ITPR1: variants seen among roughly 807,000 people sequenced by gnomAD.
The protein encoded by ITPR1 is inositol 1,4,5-trisphosphate-gated calcium channel ITPR1.
A neutral mutation model predicts 318.4 loss-of-function variants in ITPR1; 96 were observed. The observed-to-expected ratio is 0.30, with a 90% confidence interval of 0.26 to 0.36. The LOEUF (loss-of-function observed/expected upper bound fraction) is 0.36. ITPR1 is among the 10% of genes least tolerant of loss of function. The pLI, the probability that ITPR1 is intolerant of heterozygous loss-of-function variation, is 1.00. For missense variants in ITPR1, 2,440 were observed against 3,460.2 expected, an observed-to-expected ratio of 0.71 and a Z score of 7.40; for synonymous variants, 1,312 against 1,289.9, an observed-to-expected ratio of 1.02 and a Z score of -0.37.
chr3:4,521,603 A>C (rs1485211637), intron 4 of ITPR1, among the ~76,000 whole-genome samples: 2 of 152,160 alleles, frequency 1.3e-5, no homozygotes, highest in African/African-American at 4.8e-5. Context: ...TAATCTCAGC[A>C]CTTTGGGAGG....
chr3:4,807,132 ACAAAGAGAGGGGGGACTTACAAAGAGAG>A (rs2048619745), intron 55 of ITPR1, among the ~76,000 whole-genome samples: 2 of 4,074 alleles, frequency 4.9e-4, no homozygotes, highest in African/African-American at 1.7e-3. Context: ...AGGGGGGCTT[ACAAAGAGAGGGGGGACTTACAAAGAGAG>A]GGGGGCTTAC....
intron 22 of ITPR1, among the ~76,000 whole-genome samples, chr3:4,674,697 T>C (rs1326361419): frequency 6.6e-6 from 1 of 152,234 alleles, no homozygotes; most frequent in Non-Finnish European, 1.5e-5. Flanking sequence ...TTAACAACGT[T>C]TCTGAGACTG....
chr3:4,770,726 A>T (rs189037254), intron 46 of ITPR1, among the ~76,000 whole-genome samples: 41 of 152,264 alleles, frequency 2.7e-4, no homozygotes, highest in African/African-American at 7.7e-4. Flanking sequence ...GGGCGTTAGA[A>T]CACCTCAGCC....
intron 4 of ITPR1, among the ~76,000 whole-genome samples, chr3:4,564,948 GC>G (rs975528334): frequency 1.4e-4 from 21 of 152,252 alleles, no homozygotes; most frequent in African/African-American, 5.1e-4. Flanking sequence ...TAAAAGAGGT[GC>G]ATATAATTTG....
intron 42 of ITPR1, among the ~76,000 whole-genome samples, chr3:4,727,791 G>A (rs897029815): frequency 6.6e-6 from 1 of 152,268 alleles, no homozygotes; most frequent in South Asian, 2.1e-4. Context: ...TCCCAGGCGG[G>A]TCTCAGACTC....
At position 4,516,579 on chromosome 3, in the gene ITPR1, T is replaced by C. The variant is rs1172771339; in HGVS notation, c.88T>C (p.Leu30=). 5.7e-6 allele frequency: 9 copies of C among 1,591,718 alleles called. No individual in the cohort carries two copies. The East Asian group carries it at 1.6e-4, about 28-fold the overall frequency. The stretch of plus-strand genomic sequence containing the variant: ...ATCGACAAATGGATTTATTAGCACC[T>C]TGGGGTAAGAGCATGCAATTTCTTG... The part of the protein sequence containing the change: ...EGSTNGFIST[L]GLVDDRCVVQ... Residue 30 remains leucine (L), a synonymous_variant, in exon 3 of 62, where the codon TTG becomes CTG. Transcript: ENST00000649015.
At chr3:4,742,689 G>C (rs1448321790) in intron 44 of ITPR1, among the ~76,000 whole-genome samples, 2 of 152,158 alleles carry the variant, frequency 1.3e-5, no homozygotes, top group Middle Eastern at 3.2e-3. Context: ...GAACTCCTGG[G>C]CTCAAGCATT....
rs765388479 is a variant in ITPR1, at chr3:4,717,403, C to T, written c.5136+4C>T. 8.2e-6 allele frequency: 13 copies of T among 1,594,932 alleles called. No homozygotes were observed. The highest frequency in any genetic ancestry group is 1.1e-5 in the Non-Finnish European group (13 of 1,175,944). ...TGATGAATTGGATAATGCTGAGGTC[C>T]TAATTTTGTTGTTTTTTGTTTTTCA... On this transcript the variant is annotated splice_donor_region_variant and intron_variant, in intron 40 of 61. Coordinates refer to ENST00000649015, the MANE Select transcript of ITPR1 (RefSeq NM_001378452.1).
intron 24 of ITPR1, 23 bp downstream of exon 24, chr3:4,676,824 G>T: frequency 1.9e-6 from 3 of 1,583,452 alleles, no homozygotes; most frequent in East Asian, 2.2e-5. Context: ...TGGAGCTGGG[G>T]TAGGGAGGGT....
chr3:4,825,641 A>G (rs563758343), intron 60 of ITPR1: 4 of 442,982 alleles, frequency 9.0e-6, no homozygotes, highest in South Asian at 6.4e-5. Flanking sequence ...CACAGGAAGC[A>G]AATACAGAAA....
At chr3:4,846,097 G>C (rs1249610737) in intron 61 of ITPR1, 42 bp from the exon 62 acceptor site, 1 of 1,187,980 alleles carries the variant, frequency 8.4e-7, no homozygotes, top group Admixed American at 2.2e-5. Flanking sequence ...TTGACGTACA[G>C]GAAGTATCTG....
chr3:4,518,424 T>G (rs1439150837), intron 3 of ITPR1, among the ~76,000 whole-genome samples: 1 of 152,238 alleles, frequency 6.6e-6, no homozygotes, highest in Non-Finnish European at 1.5e-5. Flanking sequence ...GGCTTCTTTT[T>G]GAACTTTGGG....
intron 44 of ITPR1, among the ~76,000 whole-genome samples, chr3:4,739,586 A>G (rs2043548964): frequency 6.6e-6 from 1 of 152,188 alleles, no homozygotes; most frequent in African/African-American, 2.4e-5. Flanking sequence ...GTTATGACTT[A>G]CTCAGAGTTC....
Position 4,768,550 on chromosome 3 carries a change from A to T in ITPR1, c.5765A>T (p.Asp1922Val), listed in dbSNP as rs1305701008. 6.2e-7 allele frequency: 1 copy of T among 1,613,688 alleles called. No individual in the cohort carries two copies. Among genetic ancestry groups the T allele is most frequent in the Non-Finnish European group, 8.5e-7 (1 of 1,179,760 alleles). ...PTTQITEEVR[D>V]QLLEASAATR... is the part of the protein sequence containing the mutation. ...ACACAGATAACAGAAGAGGTCCGGG[A>T]TCAGCTCCTGGAGGCCTCCGCTGCC... Residue 1922 changes from aspartate to valine, a missense_variant, in exon 46 of 62, where the codon GAT (aspartate) becomes GTT (valine). By Grantham distance (152) the Asp-to-Val change is radical. Transcript: ENST00000649015.
chr3:4,589,823 A>G (rs2090235226), intron 4 of ITPR1, among the ~76,000 whole-genome samples: 1 of 152,178 alleles, frequency 6.6e-6, no homozygotes, highest in African/African-American at 2.4e-5. Flanking sequence ...CATCACAGAC[A>G]AATTGGATCA....
intron 4 of ITPR1, among the ~76,000 whole-genome samples, chr3:4,567,938 G>T (rs1022655074): frequency 6.6e-6 from 1 of 152,098 alleles, no homozygotes; most frequent in Non-Finnish European, 1.5e-5. Flanking sequence ...GAGGTTCAAT[G>T]ATAGACACTA....
chr3:4,649,959 G>A (rs1027554301), intron 10 of ITPR1, among the ~76,000 whole-genome samples: 1 of 152,136 alleles, frequency 6.6e-6, no homozygotes, highest in African/African-American at 2.4e-5. Context: ...TAACCTTATG[G>A]GGTAGGTTTC....
intron 51 of ITPR1, 134 bp from the exon 52 acceptor site, chr3:4,787,813 G>A: frequency 1.7e-6 from 1 of 600,850 alleles, no homozygotes; most frequent in Non-Finnish European, 2.9e-6. Context: ...GAGACACACA[G>A]CCCAGTTTGG....
At chr3:4,648,022 C>T (rs998507546) in intron 10 of ITPR1, among the ~76,000 whole-genome samples, 1 of 152,274 alleles carries the variant, frequency 6.6e-6, no homozygotes, top group South Asian at 2.1e-4. Context: ...CGTGGTGGCA[C>T]ATGCCTGTAA....
Sources: gnomAD v4.1 joint callset for allele counts (sites outside exome capture counted in the v4.1 genomes callset) on GRCh38, gnomAD v4.1.1 for gene constraint, MANE v1.5 for transcripts, NCBI Gene and HGNC (gene_info 2026-07-23, HGNC 2026-07-21) for gene names.